The following GALNS variants were observed in gnomAD, a reference collection of about 807,000 sequenced individuals.
The protein encoded by GALNS is galactosamine (N-acetyl)-6-sulfatase.
Under a neutral mutation model 65.9 loss-of-function variants are expected in GALNS, and 65 were observed. The ratio of observed to expected loss-of-function variants is 0.99; its 90% CI spans 0.81 to 1.21. GALNS has a LOEUF of 1.21. Ranked by LOEUF, GALNS falls within the 50% of genes most tolerant of loss-of-function variation. GALNS has a pLI of 0.00. For synonymous variants in GALNS, 346 were observed against 288.9 expected (o/e 1.20, Z -2.00); for missense variants, 776 against 700.7 (o/e 1.11, Z -1.21).
chr16:88,852,051 C>G (rs375976274), intron 1 of GALNS, among the ~76,000 whole-genome samples: 1 of 152,232 alleles, frequency 6.6e-6, no homozygotes, highest in Non-Finnish European at 1.5e-5. Flanking sequence ...GACACATTGC[C>G]TCCTCAAGTG....
chr16:88,837,991 G>T, intron 4 of GALNS: 1 of 553,086 alleles, frequency 1.8e-6, no homozygotes, highest in South Asian at 2.1e-5. Flanking sequence ...ACAACCGAGG[G>T]CGGCAGGCAT....
intron 1 of GALNS, among the ~76,000 whole-genome samples, chr16:88,853,878 A>G (rs1967628704): frequency 6.6e-6 from 1 of 151,890 alleles, no homozygotes; most frequent in African/African-American, 2.4e-5. Context: ...AGCTGCTCTC[A>G]CCCCTGAGTC....
intron 9 of GALNS, chr16:88,827,041 A>C (rs1299044516): frequency 1.6e-6 from 1 of 634,978 alleles, no homozygotes. Flanking sequence ...CAAAGACCCC[A>C]GAGCCAGGCC....
At position 88,856,761 on chromosome 16, in the gene GALNS, G is replaced by A. The variant is rs1245544933; in HGVS notation, c.117C>T (p.Asp39=). ...QPPNILLLLM[D]DMGWGDLGVY... The stretch of plus-strand genomic sequence containing the variant: ...CCGTCCCACCGCCCGCACTCACGTC[G>A]TCCATGAGCAGGAGCAGGATGTTGG... The change falls in exon 1 of 14, where the codon GAC becomes GAT. Residue 39 remains aspartate (D), a synonymous_variant. Coordinates refer to ENST00000268695, the MANE Select transcript of GALNS (RefSeq NM_000512.5). 1.3e-6 allele frequency: 2 copies of A among 1,528,054 alleles called. No homozygotes were observed. Among genetic ancestry groups the A allele is most frequent in the Non-Finnish European group, 8.7e-7 (1 of 1,143,792 alleles). The allele number at this position is 1,528,054 out of a possible 1,614,324, so 94.7% of individuals were successfully genotyped here.
chr16:88,821,071 C>T (rs76591973), intron 12 of GALNS, among the ~76,000 whole-genome samples: 6 of 152,162 alleles, frequency 3.9e-5, no homozygotes, highest in Non-Finnish European at 1.5e-5. Flanking sequence ...TGGGTGATCA[C>T]GAGTCCCCCG....
rs398123432 is a variant in GALNS, at chr16:88,822,599, A to T, written c.1354T>A (p.Phe452Ile). Residue 452 changes from phenylalanine (F) to isoleucine (I), a missense_variant, in exon 12 of 14, where the codon TTC (phenylalanine) becomes ATC (isoleucine). By Grantham distance (21) the Phe-to-Ile change is conservative. Coordinates refer to ENST00000268695, the MANE Select transcript of GALNS (RefSeq NM_000512.5). ...CCTGCACCGACTCACCTGAGGGGGA[A>T]CCTCTCCCCTGGGTCCCGTCCCAGG... ...FHLGRDPGER[F>I]PLSFASAEYQ... is the part of the protein sequence containing the mutation. The T allele has an allele frequency of 1.2e-6, 2 of 1,611,842 alleles. No individual in the cohort carries two copies. Among genetic ancestry groups the T allele is most frequent in the Non-Finnish European group, 1.7e-6 (2 of 1,179,366 alleles).
chr16:88,849,056 G>C (rs375181727), intron 1 of GALNS, among the ~76,000 whole-genome samples: 90 of 152,280 alleles, frequency 5.9e-4, no homozygotes, highest in African/African-American at 2.0e-3. Flanking sequence ...CCTCTCAAAG[G>C]CCCTCCATGT....
At position 88,814,156 on chromosome 16, in the gene GALNS, T is replaced by C; in HGVS notation, c.*283A>G. ...ATAAACTGAGACTGGTCTCAGATAT[T>C]TGGGGTTCACAAAGGCGTGAGACGG... On this transcript the variant is annotated 3_prime_UTR_variant, in exon 14 of 14. Transcript: ENST00000268695. 1 of 529,666 alleles carries C rather than the reference T, an allele frequency of 1.9e-6. No homozygotes were observed. The highest frequency in any genetic ancestry group is 3.4e-6 in the Non-Finnish European group (1 of 291,498). The allele number at this position is 529,666 out of a possible 1,614,324, so 32.8% of individuals were successfully genotyped here. A position where few individuals can be genotyped will look rare whatever the true frequency, so the allele number is the denominator to read the frequency against.
Position 88,817,138 on chromosome 16 carries a change from A to T in GALNS, c.1482+869T>A, listed in dbSNP as rs115376549. ...GGAAACAGGCCTTTGCGGCCACTGC[A>T]CACGCGGGATGGCTGGGCCGTCCAC... On this transcript the variant is annotated intron_variant, in intron 13 of 13. Transcript: ENST00000268695. The T allele has an allele frequency of 4.4e-3, 4,333 of 985,432 alleles. 144 individuals are homozygous for T. The African/African-American group carries it at 0.071, about 16-fold the overall frequency. The allele number at this position is 985,432 out of a possible 1,614,324, so 61.0% of individuals were successfully genotyped here.
intron 1 of GALNS, among the ~76,000 whole-genome samples, chr16:88,851,141 G>A (rs1254524482): frequency 1.3e-5 from 2 of 152,188 alleles, no homozygotes; most frequent in Admixed American, 6.5e-5. Context: ...CCTCCCTGCA[G>A]AGTGAGCAGG....
Position 88,835,372 on chromosome 16 carries a change from G to A in GALNS, c.759-20C>T. On this transcript the variant is annotated intron_variant, in intron 7 of 13. Transcript: ENST00000268695. ...CCATACCTGCAGGATGGTGACAAAAGGCATCTCCATACCTGGAGGATGGTG... is the reference window on the plus strand; with the variant it reads ...CCATACCTGCAGGATGGTGACAAAAAGCATCTCCATACCTGGAGGATGGTG... 2 of 1,613,240 alleles carry A rather than the reference G, an allele frequency of 1.2e-6. No individual in the cohort carries two copies. The highest frequency in any genetic ancestry group is 8.5e-7 in the Non-Finnish European group (1 of 1,179,666).
At chr16:88,826,582 A>AGGGCCATCAATGGCCCTGT in intron 10 of GALNS, 120 bp downstream of exon 10, 1 of 1,239,994 alleles carries the variant, frequency 8.1e-7, no homozygotes, top group Non-Finnish European at 1.1e-6. Context: ...TGCCCTGGGC[A>AGGGCCATCAATGGCCCTGT]CGAGCACGCC....
intron 1 of GALNS, among the ~76,000 whole-genome samples, chr16:88,850,956 A>T (rs1967480884): frequency 6.6e-6 from 1 of 152,240 alleles, no homozygotes; most frequent in Non-Finnish European, 1.5e-5. Flanking sequence ...CCCAGACGCC[A>T]GCCGAGGGCA....
At chr16:88,840,742 C>T (rs1597579541) in intron 4 of GALNS, 1 of 535,520 alleles carries the variant, frequency 1.9e-6, no homozygotes, top group Non-Finnish European at 3.4e-6. Context: ...ATGACGGTGA[C>T]AGGCCTGCGG....
chr16:88,815,411 C>T (rs533368710), intron 13 of GALNS: 316 of 985,492 alleles, frequency 3.2e-4, no homozygotes, highest in Middle Eastern at 2.6e-3. Context: ...GTCCCTACTG[C>T]GCTGCTGGGC....
intron 11 of GALNS, among the ~76,000 whole-genome samples, chr16:88,824,231 G>T (rs1910559516): frequency 6.6e-6 from 1 of 152,252 alleles, no homozygotes; most frequent in Admixed American, 6.5e-5. Flanking sequence ...AGAAAAGACC[G>T]TGGGGAGGGA....
chr16:88,827,311 C>A (rs1911033727), intron 9 of GALNS, among the ~76,000 whole-genome samples: 1 of 152,170 alleles, frequency 6.6e-6, no homozygotes, highest in Non-Finnish European at 1.5e-5. Flanking sequence ...TCCTGACACA[C>A]CCAGAGAGCT....
intron 4 of GALNS, 193 bp downstream of exon 4, chr16:88,840,799 C>T (rs1966929103): frequency 1.6e-6 from 1 of 633,228 alleles, no homozygotes; most frequent in African/African-American, 1.8e-5. Flanking sequence ...AGCCTGGTGA[C>T]CTGAGATCCT....
rs1909404800 is a variant in GALNS at position 88,814,306 on chromosome 16, C to G, written c.*133G>C. The G allele has an allele frequency of 8.4e-7, 1 of 1,189,576 alleles. No individual in the cohort carries two copies. Among genetic ancestry groups the G allele is most frequent in the Non-Finnish European group, 1.2e-6 (1 of 822,722 alleles). 73.7% of individuals were successfully genotyped at this position (1,189,576 alleles called of 1,614,324 possible). A position where few individuals can be genotyped will look rare whatever the true frequency, so the allele number is the denominator to read the frequency against. On this transcript the variant is annotated 3_prime_UTR_variant, in exon 14 of 14. Coordinates refer to ENST00000268695, the MANE Select transcript of GALNS (RefSeq NM_000512.5). ...TCCTGGGCAGGTGGAATTGTGCAGTCCCCCTGCGTCTGCAGGTGCTGTCTG... is the reference window on the plus strand; with the variant it reads ...TCCTGGGCAGGTGGAATTGTGCAGTGCCCCTGCGTCTGCAGGTGCTGTCTG...
Sources: gnomAD v4.1 joint callset for allele counts (sites outside exome capture counted in the v4.1 genomes callset) on GRCh38, gnomAD v4.1.1 for gene constraint, MANE v1.5 for transcripts, NCBI Gene and HGNC (gene_info 2026-07-23, HGNC 2026-07-21) for gene names.